The following DNM3 variants were observed in gnomAD, a reference collection of about 807,000 sequenced individuals.
DNM3 encodes the protein dynamin 3, also known as dynamin-3.
Under a neutral mutation model 101.6 loss-of-function variants are expected in DNM3, and 47 were observed. The ratio of observed to expected loss-of-function variants is 0.46; its 90% CI spans 0.37 to 0.59. The LOEUF is 0.59. Among genes scored for constraint, DNM3 ranks in the 20% least tolerant of loss-of-function variants. The probability of loss-of-function intolerance (pLI) is 0.00; values close to 1 mark genes in which losing one functional copy is unlikely to be tolerated. For synonymous variants in DNM3, 385 were observed against 387.9 expected (o/e 0.99, Z 0.09); for missense variants, 849 against 1,085.7 (o/e 0.78, Z 3.06).
chr1:172,084,775 C>T (rs1166290695), intron 12 of DNM3, among the ~76,000 whole-genome samples: 1 of 152,074 alleles, frequency 6.6e-6, no homozygotes, highest in African/African-American at 2.4e-5. Context: ...GCATTTGTTT[C>T]ATGAGATTTT....
intron 1 of DNM3, among the ~76,000 whole-genome samples, chr1:171,913,336 A>C (rs1231182378): frequency 6.6e-6 from 1 of 152,206 alleles, no homozygotes; most frequent in Non-Finnish European, 1.5e-5. Context: ...TTTCAGATAA[A>C]ATTATGATGG....
chr1:172,009,477 T>C (rs1481677327), intron 4 of DNM3, among the ~76,000 whole-genome samples: 1 of 151,566 alleles, frequency 6.6e-6, no homozygotes, highest in Non-Finnish European at 1.5e-5. Context: ...CATGTGGCTA[T>C]TAAGGTTTAA....
intron 1 of DNM3, among the ~76,000 whole-genome samples, chr1:171,848,342 G>A (rs1298271814): frequency 1.3e-5 from 2 of 152,078 alleles, no homozygotes; most frequent in African/African-American, 4.8e-5. Context: ...GTGGAGACAG[G>A]GAGCAGAATT....
intron 20 of DNM3, among the ~76,000 whole-genome samples, chr1:172,401,266 C>A (rs1463962288): frequency 6.6e-6 from 1 of 152,156 alleles, no homozygotes; most frequent in Non-Finnish European, 1.5e-5. Flanking sequence ...TTGTAAAATT[C>A]TTTTTACAGA....
chr1:172,198,634 A>T (rs912923750), intron 14 of DNM3, among the ~76,000 whole-genome samples: 1 of 151,896 alleles, frequency 6.6e-6, no homozygotes, highest in African/African-American at 2.4e-5. Flanking sequence ...TTCCTGACTG[A>T]GTATTAGAGG....
intron 20 of DNM3, among the ~76,000 whole-genome samples, chr1:172,391,948 T>C (rs1200988263): frequency 6.6e-6 from 1 of 152,248 alleles, no homozygotes; most frequent in Non-Finnish European, 1.5e-5. Context: ...AGTTATGATC[T>C]TGACTTTTAA....
chr1:172,278,360 GGAA>G (rs147741651), intron 15 of DNM3, among the ~76,000 whole-genome samples: 1 of 151,880 alleles, frequency 6.6e-6, no homozygotes. Context: ...TGGCCACATT[GGAA>G]GAAGAATTGT....
At chr1:172,063,477 G>A (rs2051408725) in intron 10 of DNM3, among the ~76,000 whole-genome samples, 1 of 151,672 alleles carries the variant, frequency 6.6e-6, no homozygotes, top group Non-Finnish European at 1.5e-5. Flanking sequence ...TACAACATTG[G>A]ACCTTATTAA....
Position 172,386,087 on chromosome 1 carries a change from G to C in DNM3, c.2059-1046G>C, listed in dbSNP as rs574995946. On this transcript the variant is annotated intron_variant, in intron 18 of 20. Coordinates refer to ENST00000627582, the MANE Select transcript of DNM3 (RefSeq NM_015569.5). The stretch of plus-strand genomic sequence containing the variant: ...CTATAAAACTGGAATACTAATACAT[G>C]TTTCTTCAGTGTGTGATAAGAATTG... 1.3e-4 allele frequency among the ~76,000 whole-genome samples: 20 copies of C among 152,248 alleles called. No individual in the cohort carries two copies. In the South Asian group the frequency reaches 4.1e-3, roughly 32 times the overall value.
At chr1:172,316,275 T>G (rs912683909) in intron 16 of DNM3, among the ~76,000 whole-genome samples, 2 of 152,116 alleles carry the variant, frequency 1.3e-5, no homozygotes, top group African/African-American at 4.8e-5. Flanking sequence ...TACCAGCCAC[T>G]GCAAAATCAT....
intron 17 of DNM3, chr1:172,339,005 T>A: frequency 2.2e-6 from 1 of 464,788 alleles, no homozygotes; most frequent in South Asian, 1.6e-5. Flanking sequence ...GTATTCACAG[T>A]TTCTCTTGAT....
intron 15 of DNM3, among the ~76,000 whole-genome samples, chr1:172,293,251 AT>A (rs1235508551): frequency 2.0e-5 from 3 of 152,246 alleles, no homozygotes; most frequent in Non-Finnish European, 4.4e-5. Flanking sequence ...AGGTAAGGGA[AT>A]TAAACTTTGG....
intron 10 of DNM3, among the ~76,000 whole-genome samples, chr1:172,056,598 G>T (rs1422988929): frequency 3.9e-5 from 6 of 151,976 alleles, no homozygotes; most frequent in South Asian, 2.1e-4. Flanking sequence ...CACCTCACAC[G>T]GCAGGGTACT....
chr1:172,226,909 A>T (rs1224354744), intron 14 of DNM3, among the ~76,000 whole-genome samples: 1 of 151,942 alleles, frequency 6.6e-6, no homozygotes, highest in African/African-American at 2.4e-5. Context: ...AAATTTTTTA[A>T]TTTTTTTATT....
chr1:171,919,342 T>C (rs950561433), intron 1 of DNM3, among the ~76,000 whole-genome samples: 1 of 152,178 alleles, frequency 6.6e-6, no homozygotes, highest in Non-Finnish European at 1.5e-5. Context: ...GTGTGTGATG[T>C]TCCCCTCCCT....
At position 172,205,082 on chromosome 1, in the gene DNM3, C is replaced by T. The variant is rs544305012; in HGVS notation, c.1660-48491C>T. Among the ~76,000 whole-genome samples, 28 of 152,188 alleles carry T rather than the reference C, an allele frequency of 1.8e-4. No individual in the cohort carries two copies. The East Asian group carries it at 2.5e-3, about 14-fold the overall frequency. ...TTCTAGTTGTATTTTTCTGTATAAACGTGCATGTGTTTTGGTACTGTTTCA... is the reference window on the plus strand; with the variant it reads ...TTCTAGTTGTATTTTTCTGTATAAATGTGCATGTGTTTTGGTACTGTTTCA... On this transcript the variant is annotated intron_variant, in intron 14 of 20. Transcript: ENST00000627582.
intron 15 of DNM3, chr1:172,290,112 T>C (rs1046631621): frequency 7.4e-6 from 4 of 536,972 alleles, no homozygotes; most frequent in Non-Finnish European, 9.5e-6. Context: ...AGTCAACAAA[T>C]ATTAATGAGC....
chr1:172,175,324 C>T (rs2059118132), intron 14 of DNM3, among the ~76,000 whole-genome samples: 1 of 151,706 alleles, frequency 6.6e-6, no homozygotes, highest in African/African-American at 2.4e-5. Context: ...TTAATTTTTA[C>T]AAGTGATTAC....
intron 8 of DNM3, 130 bp from the exon 9 acceptor site, chr1:172,044,255 G>T: frequency 1.3e-6 from 1 of 742,890 alleles, no homozygotes; most frequent in Non-Finnish European, 2.2e-6. Flanking sequence ...TGACCATCTG[G>T]GTTTAGGTTA....
Sources: gnomAD v4.1 joint callset for allele counts (sites outside exome capture counted in the v4.1 genomes callset) on GRCh38, gnomAD v4.1.1 for gene constraint, MANE v1.5 for transcripts, NCBI Gene and HGNC (gene_info 2026-07-23, HGNC 2026-07-21) for gene names.